Variants in BICC1 observed in about 807,000 individuals in gnomAD.
The protein encoded by BICC1 is protein bicaudal C homolog 1.
BICC1 carries 43 observed loss-of-function variants against 111.0 expected under a neutral mutation model. That is an observed-to-expected ratio of 0.39 (90% CI 0.30 to 0.50). The LOEUF is 0.50. Ranked by LOEUF, BICC1 falls within the 20% of genes least tolerant of loss-of-function variation. The pLI is 0.88. For missense variants in BICC1, 1,091 were observed against 1,203.2 expected (o/e 0.91, Z 1.38); for synonymous variants, 467 against 434.4 (o/e 1.07, Z -0.93).
chr10:58,571,366 C>T (rs1472883332), intron 1 of BICC1, among the ~76,000 whole-genome samples: 5 of 151,794 alleles, frequency 3.3e-5, no homozygotes, highest in Admixed American at 3.3e-4. Flanking sequence ...GATACATGTG[C>T]AGGATGCACA....
At chr10:58,556,391 C>A (rs2131933833) in intron 1 of BICC1, among the ~76,000 whole-genome samples, 1 of 152,126 alleles carries the variant, frequency 6.6e-6, no homozygotes, top group Middle Eastern at 3.4e-3. Flanking sequence ...GGCCATAAAT[C>A]CCCTTAGCAT....
chr10:58,737,047 A>T (rs901040795), intron 3 of BICC1, among the ~76,000 whole-genome samples: 7 of 152,126 alleles, frequency 4.6e-5, no homozygotes, highest in African/African-American at 7.2e-5. Context: ...TTTGAAAAAA[A>T]ATTTTTTTTG....
At chr10:58,628,905 C>A (rs1191690589) in intron 2 of BICC1, among the ~76,000 whole-genome samples, 1 of 152,156 alleles carries the variant, frequency 6.6e-6, no homozygotes, top group African/African-American at 2.4e-5. Context: ...TAAAGGCCTC[C>A]ATAGATGTCA....
intron 2 of BICC1, among the ~76,000 whole-genome samples, chr10:58,663,066 C>CTTTTT (rs142149688): frequency 3.7e-5 from 3 of 81,722 alleles, no homozygotes; most frequent in African/African-American, 1.4e-4. Flanking sequence ...TTTTCTTTTT[C>CTTTTT]TTTTTTTTTT....
chr10:58,758,170 G>T (rs916922167), intron 3 of BICC1, among the ~76,000 whole-genome samples: 2 of 151,934 alleles, frequency 1.3e-5, no homozygotes, highest in African/African-American at 4.8e-5. Flanking sequence ...TTTTTTGGTT[G>T]GAAAAATATG....
At chr10:58,750,114 A>G (rs963678790) in intron 3 of BICC1, among the ~76,000 whole-genome samples, 2 of 152,156 alleles carry the variant, frequency 1.3e-5, no homozygotes. Flanking sequence ...GAAACAGACC[A>G]TGAGAAACTT....
chr10:58,655,668 C>A (rs1412136687), intron 2 of BICC1, among the ~76,000 whole-genome samples: 1 of 96,002 alleles, frequency 1.0e-5, no homozygotes, highest in African/African-American at 4.0e-5. Flanking sequence ...AATTGAATAC[C>A]CTTTATTTCC....
At chr10:58,626,836 A>G (rs7922176) in intron 2 of BICC1, among the ~76,000 whole-genome samples, 151,603 of 152,350 alleles carry the variant, frequency 1, 75,430 homozygotes, top group Middle Eastern at 1. Flanking sequence ...CAGGCACAGC[A>G]GCTCATGCCT....
intron 1 of BICC1, among the ~76,000 whole-genome samples, chr10:58,525,532 A>C (rs1359824396): frequency 7.8e-6 from 1 of 128,656 alleles, no homozygotes; most frequent in African/African-American, 2.9e-5. Context: ...TGGACACAGG[A>C]AGGGGAATAT....
chr10:58,747,542 G>A (rs1249196381), intron 3 of BICC1, among the ~76,000 whole-genome samples: 1 of 152,008 alleles, frequency 6.6e-6, no homozygotes, highest in Non-Finnish European at 1.5e-5. Context: ...TTTGATATAT[G>A]TATATGATGT....
intron 2 of BICC1, among the ~76,000 whole-genome samples, chr10:58,640,400 A>G (rs1387959474): frequency 6.6e-6 from 1 of 152,230 alleles, no homozygotes; most frequent in East Asian, 1.9e-4. Context: ...CCTTATCCAT[A>G]CTGAAGAAAG....
chr10:58,527,869 G>A (rs1842585990), intron 1 of BICC1, among the ~76,000 whole-genome samples: 1 of 151,910 alleles, frequency 6.6e-6, no homozygotes, highest in African/African-American at 2.4e-5. Flanking sequence ...TGAGAATGCA[G>A]GTGTTGCAAA....
At chr10:58,567,426 C>G (rs73302426) in intron 1 of BICC1, among the ~76,000 whole-genome samples, 2,674 of 151,298 alleles carry the variant, frequency 0.018, 74 homozygotes, top group African/African-American at 0.062. Context: ...ATGTGTGTGT[C>G]TTTTAGGGGA....
Position 58,537,063 on chromosome 10 carries a change from A to C in BICC1, c.190+23730A>C, listed in dbSNP as rs553816717. Among the ~76,000 whole-genome samples the C allele has an allele frequency of 2.2e-3, 336 of 149,600 alleles. 3 individuals are homozygous for C. Among genetic ancestry groups the C allele is most frequent in the African/African-American group, 7.5e-3 (309 of 41,250 alleles). ...TCAGATTGAATCAGGTAAACAAACA[A>C]ACAAACCAAAAAAACAAACCTGTCA... On this transcript the variant is annotated intron_variant, in intron 1 of 20. Coordinates refer to ENST00000373886, the MANE Select transcript of BICC1 (RefSeq NM_001080512.3).
chr10:58,724,406 T>C (rs1809866410), intron 3 of BICC1, among the ~76,000 whole-genome samples: 1 of 151,682 alleles, frequency 6.6e-6, no homozygotes, highest in Admixed American at 6.6e-5. Flanking sequence ...TGTGTGTATG[T>C]GTGTGTGTGT....
chr10:58,726,960 G>T (rs1341782513), intron 3 of BICC1, among the ~76,000 whole-genome samples: 1 of 152,170 alleles, frequency 6.6e-6, no homozygotes, highest in Non-Finnish European at 1.5e-5. Context: ...AGTCCAGGAG[G>T]AGGAGGGGTA....
intron 3 of BICC1, among the ~76,000 whole-genome samples, chr10:58,763,086 A>G (rs1231644555): frequency 6.6e-6 from 1 of 152,320 alleles, no homozygotes; most frequent in East Asian, 1.9e-4. Context: ...TGAATTATTA[A>G]CATACTATGA....
intron 3 of BICC1, among the ~76,000 whole-genome samples, chr10:58,763,805 G>A (rs1842384483): frequency 6.6e-6 from 1 of 151,904 alleles, no homozygotes; most frequent in African/African-American, 2.4e-5. Context: ...CTAGCTGGGA[G>A]GCTTGGAATA....
intron 2 of BICC1, among the ~76,000 whole-genome samples, chr10:58,626,371 G>A (rs939638847): frequency 2.0e-5 from 3 of 152,164 alleles, no homozygotes; most frequent in Non-Finnish European, 4.4e-5. Context: ...GTCTAGATAG[G>A]AATAACTGGC....
Sources: allele counts gnomAD v4.1 joint callset (sites outside exome capture counted in the v4.1 genomes callset), GRCh38; gene constraint gnomAD v4.1.1; transcripts MANE v1.5; gene names NCBI Gene and HGNC (gene_info 2026-07-23, HGNC 2026-07-21).